Variants in FAR1 observed in about 807,000 individuals in gnomAD.
FAR1 encodes the protein fatty acyl-CoA reductase 1.
A neutral mutation model predicts 61.1 loss-of-function variants in FAR1; 22 were observed. The ratio of observed to expected loss-of-function variants is 0.36; its 90% CI spans 0.26 to 0.51. FAR1 has a LOEUF of 0.51. Ranked by LOEUF, FAR1 falls within the 20% of genes least tolerant of loss-of-function variation. The probability of loss-of-function intolerance (pLI) is 0.95; values close to 1 mark genes in which losing one functional copy is unlikely to be tolerated. For synonymous variants in FAR1, 206 were observed against 209.7 expected (o/e 0.98, Z 0.15); for missense variants, 359 against 626.9 (o/e 0.57, Z 4.56).
At chr11:13,710,536 T>A (rs547870250) in intron 4 of FAR1, among the ~76,000 whole-genome samples, 157 bp from the exon 5 acceptor site, 8 of 152,164 alleles carry the variant, frequency 5.3e-5, no homozygotes, top group Non-Finnish European at 7.4e-5. Context: ...AGTTGATGTT[T>A]AAGAAAAATA....
chr11:13,718,305 C>G, intron 9 of FAR1, among the ~76,000 whole-genome samples: 1 of 152,168 alleles, frequency 6.6e-6, no homozygotes, highest in Non-Finnish European at 1.5e-5. Flanking sequence ...AAATTCCACT[C>G]AAATAGTTCA....
chr11:13,717,307 A>G (rs1387878169), intron 9 of FAR1, among the ~76,000 whole-genome samples: 2 of 152,160 alleles, frequency 1.3e-5, no homozygotes, highest in Non-Finnish European at 2.9e-5. Flanking sequence ...AATAATTGAT[A>G]TGTGAACTAA....
chr11:13,727,970 A>G (rs911110284), intron 11 of FAR1, among the ~76,000 whole-genome samples: 2 of 151,874 alleles, frequency 1.3e-5, no homozygotes, highest in African/African-American at 4.8e-5. Flanking sequence ...TGCCTAAGCC[A>G]TATTGTATTG....
intron 1 of FAR1, among the ~76,000 whole-genome samples, chr11:13,687,984 G>A (rs1848207563): frequency 6.6e-6 from 1 of 151,396 alleles, no homozygotes; most frequent in Non-Finnish European, 1.5e-5. Flanking sequence ...AGCATTAGGA[G>A]ATATACCTAA....
intron 8 of FAR1, among the ~76,000 whole-genome samples, chr11:13,713,696 C>A (rs1016795257): frequency 1.3e-5 from 2 of 152,012 alleles, no homozygotes; most frequent in Non-Finnish European, 2.9e-5. Context: ...TGATTAATTA[C>A]CCCTGCAGAA....
rs373875720 is a variant in FAR1, at chr11:13,695,143, G to A, written c.189+189G>A. Among the ~76,000 whole-genome samples the A allele has an allele frequency of 2.0e-5, 3 of 152,058 alleles. No homozygotes were observed. The East Asian group carries it at 5.8e-4, about 29-fold the overall frequency. On this transcript the variant is annotated intron_variant, in intron 2 of 11. Transcript: ENST00000354817. Reference sequence around the variant, plus strand: ...GACTTGTGAATCACAAGGAGAAAAAGTTTTCCTCTGTGACTGGCAAAATTG... The same window carrying A: ...GACTTGTGAATCACAAGGAGAAAAAATTTTCCTCTGTGACTGGCAAAATTG...
chr11:13,723,583 A>G (rs1848637835), intron 10 of FAR1, among the ~76,000 whole-genome samples: 1 of 152,032 alleles, frequency 6.6e-6, no homozygotes, highest in Non-Finnish European at 1.5e-5. Context: ...GGCTTTCTGA[A>G]TCTGAGGTTT....
chr11:13,700,781 A>G (rs1340254336), intron 3 of FAR1, among the ~76,000 whole-genome samples: 1 of 152,104 alleles, frequency 6.6e-6, no homozygotes, highest in Non-Finnish European at 1.5e-5. Flanking sequence ...CTTAACAACT[A>G]ATAGTGTTTG....
At chr11:13,676,772 G>A (rs773465022) in intron 1 of FAR1, among the ~76,000 whole-genome samples, 28 of 152,298 alleles carry the variant, frequency 1.8e-4, no homozygotes, top group African/African-American at 6.0e-4. Context: ...CAGACTGTTC[G>A]AAGTTCAGTG....
chr11:13,704,691 C>T (rs548482914), intron 3 of FAR1, among the ~76,000 whole-genome samples: 29 of 151,758 alleles, frequency 1.9e-4, no homozygotes, highest in Non-Finnish European at 3.2e-4. Flanking sequence ...CCTAAGATTG[C>T]GTCATTGTTC....
chr11:13,691,935 A>C (rs959224333), intron 1 of FAR1, among the ~76,000 whole-genome samples: 2 of 152,138 alleles, frequency 1.3e-5, no homozygotes, highest in African/African-American at 2.4e-5. Context: ...TGGGAGGCCA[A>C]AGTGGGTGGA....
At chr11:13,715,016 C>T (rs1186351655) in intron 9 of FAR1, among the ~76,000 whole-genome samples, 2 of 152,144 alleles carry the variant, frequency 1.3e-5, no homozygotes, top group East Asian at 3.8e-4. Context: ...ATCCTTTAAA[C>T]CAAGTATTCA....
At chr11:13,681,657 C>T (rs1454763492) in intron 1 of FAR1, among the ~76,000 whole-genome samples, 1 of 152,130 alleles carries the variant, frequency 6.6e-6, no homozygotes, top group Non-Finnish European at 1.5e-5. Flanking sequence ...ATAAGGAAGC[C>T]CAAACTATCT....
At position 13,729,258 on chromosome 11, in the gene FAR1, TTTAAAA is replaced by T. The variant is rs1323348809; in HGVS notation, c.*488_*493del. Reference sequence around the variant, plus strand: ...TTAGTTGAAGTGGGTTTTAGTTTTGTTTAAAATTATAACCAGCGTATTTTCACATCA... The same window carrying T: ...TTAGTTGAAGTGGGTTTTAGTTTTGTTTATAACCAGCGTATTTTCACATCA... On this transcript the variant is annotated 3_prime_UTR_variant, in exon 12 of 12. Coordinates refer to ENST00000354817, the MANE Select transcript of FAR1 (RefSeq NM_032228.6). 1 of 152,480 alleles carries T rather than the reference TTTAAAA, an allele frequency of 6.6e-6. No individual in the cohort carries two copies. The highest frequency in any genetic ancestry group is 2.4e-5 in the African/African-American group (1 of 41,454). 9.4% of individuals were successfully genotyped at this position (152,480 alleles called of 1,614,324 possible). A position where few individuals can be genotyped will look rare whatever the true frequency, so the allele number is the denominator to read the frequency against.
At position 13,713,050 on chromosome 11, in the gene FAR1, G is replaced by A; in HGVS notation, c.955+17G>A. 6 of 1,603,120 alleles carry A rather than the reference G, an allele frequency of 3.7e-6. No individual in the cohort carries two copies. In the South Asian group the frequency reaches 4.4e-5, roughly 12 times the overall value. On this transcript the variant is annotated intron_variant, in intron 8 of 11. Transcript: ENST00000354817. The stretch of plus-strand genomic sequence containing the variant: ...GTGAAGTTGGTATGATTTTACCTGT[G>A]TTTTTGAATGTTAGAATAAATCTTA...
Position 13,722,623 on chromosome 11 carries a change from A to G in FAR1, c.1257+764A>G, listed in dbSNP as rs556707440. ...CAAGTAGCTGGGATTACAGGCACAT[A>G]CCACCACACCCAGCTAATTTTTGTA... is the stretch of plus-strand genomic sequence containing the variant. On this transcript the variant is annotated intron_variant, in intron 10 of 11. Transcript: ENST00000354817. 1.4e-3 allele frequency among the ~76,000 whole-genome samples: 220 copies of G among 151,726 alleles called. 1 individual carries two copies. The highest frequency in any genetic ancestry group is 5.1e-3 in the African/African-American group (212 of 41,380).
At chr11:13,715,981 C>T (rs935681955) in intron 9 of FAR1, 5 of 152,052 alleles carry the variant, frequency 3.3e-5, no homozygotes, top group African/African-American at 1.2e-4. Flanking sequence ...TGTTTCTAAC[C>T]CTATATGTTA....
chr11:13,695,275 T>A (rs1224724747), intron 2 of FAR1, among the ~76,000 whole-genome samples: 1 of 152,178 alleles, frequency 6.6e-6, no homozygotes, highest in African/African-American at 2.4e-5. Flanking sequence ...GCCTTGATAA[T>A]AATAGTAATT....
chr11:13,723,745 C>T (rs1198714985), intron 10 of FAR1, among the ~76,000 whole-genome samples: 1 of 152,086 alleles, frequency 6.6e-6, no homozygotes. Flanking sequence ...TTTTGTATCT[C>T]AGTGTTTCTG....
Sources: allele counts gnomAD v4.1 joint callset (sites outside exome capture counted in the v4.1 genomes callset), GRCh38; gene constraint gnomAD v4.1.1; transcripts MANE v1.5; gene names NCBI Gene and HGNC (gene_info 2026-07-23, HGNC 2026-07-21).